GRIK4: variants seen among roughly 807,000 people sequenced by gnomAD.
The protein encoded by GRIK4 is glutamate receptor ionotropic, kainate 4.
GRIK4 carries 40 observed loss-of-function variants against 104.9 expected under a neutral mutation model. The ratio of observed to expected loss-of-function variants is 0.38; its 90% CI spans 0.30 to 0.50. The LOEUF is 0.50. Ranked by LOEUF, GRIK4 falls within the 20% of genes least tolerant of loss-of-function variation. The probability of loss-of-function intolerance (pLI) is 0.93; values close to 1 mark genes in which losing one functional copy is unlikely to be tolerated. For missense variants in GRIK4, 1,047 were observed against 1,308.1 expected, an observed-to-expected ratio of 0.80 and a Z score of 3.08; for synonymous variants, 485 against 524.9, an observed-to-expected ratio of 0.92 and a Z score of 1.04.
At chr11:120,663,430 T>C (rs1208213080) in intron 3 of GRIK4, among the ~76,000 whole-genome samples, 1 of 152,206 alleles carries the variant, frequency 6.6e-6, no homozygotes, top group Non-Finnish European at 1.5e-5. Context: ...CTCTTCTCCA[T>C]GCACCCATGG....
intron 3 of GRIK4, among the ~76,000 whole-genome samples, chr11:120,743,792 C>CTT (rs1191585132): frequency 6.6e-6 from 1 of 152,330 alleles, no homozygotes; most frequent in African/African-American, 2.4e-5. Flanking sequence ...TTACCTTAAA[C>CTT]AAGTCAGCTA....
chr11:120,574,243 C>A (rs1352294227), intron 1 of GRIK4, among the ~76,000 whole-genome samples: 1 of 152,110 alleles, frequency 6.6e-6, no homozygotes, highest in African/African-American at 2.4e-5. Flanking sequence ...GGGACTGTGC[C>A]GGGAGCAGCC....
At chr11:120,618,134 T>G (rs1362360572) in intron 1 of GRIK4, among the ~76,000 whole-genome samples, 1 of 152,122 alleles carries the variant, frequency 6.6e-6, no homozygotes, top group Non-Finnish European at 1.5e-5. Context: ...CAGATGGAGA[T>G]GAGAAACTTA....
At chr11:120,798,471 T>G (rs1341848585) in intron 3 of GRIK4, among the ~76,000 whole-genome samples, 1 of 151,958 alleles carries the variant, frequency 6.6e-6, no homozygotes, top group African/African-American at 2.4e-5. Context: ...TTTGTTTTTG[T>G]TTTTGTTGTG....
At chr11:120,885,763 T>G (rs1955102284) in intron 11 of GRIK4, among the ~76,000 whole-genome samples, 1 of 152,218 alleles carries the variant, frequency 6.6e-6, no homozygotes, top group African/African-American at 2.4e-5. Context: ...AGCTCGTCTC[T>G]GAAAATTTAA....
At chr11:120,659,626 A>C (rs1275688844) in intron 2 of GRIK4, among the ~76,000 whole-genome samples, 1 of 152,184 alleles carries the variant, frequency 6.6e-6, no homozygotes, top group Non-Finnish European at 1.5e-5. Context: ...ACCTCTCCTC[A>C]GTGTGCAGTG....
In GRIK4 at chr11:120,675,614, G is replaced by A. The variant is rs1237999439; in HGVS notation, c.82+15214G>A. ...AGTAGTTTGCTCAAGCAACTGGATGGCATCATAGGGTAGTGAGACAGGTGT... is the reference window on the plus strand; with the variant it reads ...AGTAGTTTGCTCAAGCAACTGGATGACATCATAGGGTAGTGAGACAGGTGT... On this transcript the variant is annotated intron_variant, in intron 3 of 20. Transcript: ENST00000527524. Among the ~76,000 whole-genome samples the A allele has an allele frequency of 2.0e-5, 3 of 152,144 alleles. No homozygotes were observed. In the East Asian group the frequency reaches 5.8e-4, roughly 29 times the overall value.
intron 1 of GRIK4, among the ~76,000 whole-genome samples, chr11:120,534,202 C>T (rs564377558): frequency 9.9e-5 from 15 of 152,178 alleles, no homozygotes; most frequent in African/African-American, 3.4e-4. Context: ...CAGGTGTTTA[C>T]GTGAGGCTCA....
At chr11:120,633,339 C>T (rs1273811078) in intron 1 of GRIK4, among the ~76,000 whole-genome samples, 1 of 152,204 alleles carries the variant, frequency 6.6e-6, no homozygotes, top group Non-Finnish European at 1.5e-5. Context: ...CCCAGGCCTT[C>T]TCGATGGGGA....
intron 1 of GRIK4, among the ~76,000 whole-genome samples, chr11:120,520,831 T>C (rs1373886090): frequency 6.6e-6 from 1 of 152,164 alleles, no homozygotes; most frequent in Non-Finnish European, 1.5e-5. Context: ...TGACAGCATC[T>C]CCCCTAGCCT....
chr11:120,588,760 G>A (rs1279777959), intron 1 of GRIK4, among the ~76,000 whole-genome samples: 2 of 152,258 alleles, frequency 1.3e-5, no homozygotes, highest in East Asian at 3.9e-4. Context: ...GTGTTTGGCA[G>A]TCTCCCTGGC....
At position 120,905,598 on chromosome 11, in the gene GRIK4, C is replaced by T; in HGVS notation, c.1476+105C>T. 2.6e-6 allele frequency: 2 copies of T among 778,626 alleles called. No individual in the cohort carries two copies. The highest frequency in any genetic ancestry group is 4.4e-6 in the Non-Finnish European group (2 of 457,740). The allele number at this position is 778,626 out of a possible 1,614,324, so 48.2% of individuals were successfully genotyped here. A position where few individuals can be genotyped will look rare whatever the true frequency, so the allele number is the denominator to read the frequency against. On this transcript the variant is annotated intron_variant, in intron 13 of 20. Transcript: ENST00000527524. The surrounding 1 kb of genome is among the most constrained non-coding windows in gnomAD (Gnocchi z 5.1). The stretch of plus-strand genomic sequence containing the variant: ...TGAACCCTCCATTTGTTCAGTCAAT[C>T]ATTCATGCATTTGTCATTTATTTGT...
intron 1 of GRIK4, among the ~76,000 whole-genome samples, chr11:120,631,054 AG>A (rs1807121709): frequency 2.0e-5 from 3 of 152,222 alleles, no homozygotes; most frequent in Admixed American, 2.0e-4. Flanking sequence ...CTCTCATATG[AG>A]AATGGGAGTA....
intron 3 of GRIK4, among the ~76,000 whole-genome samples, chr11:120,798,129 G>C (rs1430898863): frequency 6.8e-6 from 1 of 146,010 alleles, no homozygotes; most frequent in Non-Finnish European, 1.5e-5. Flanking sequence ...ACGTGGCGGA[G>C]AGAAAAAGAG....
At chr11:120,561,911 T>C (rs951661671) in intron 1 of GRIK4, among the ~76,000 whole-genome samples, 3 of 152,206 alleles carry the variant, frequency 2.0e-5, no homozygotes, top group African/African-American at 7.2e-5. Flanking sequence ...TGTGGCCCAC[T>C]TGAAAAGGGT....
At chr11:120,571,328 G>A (rs1041251939) in intron 1 of GRIK4, among the ~76,000 whole-genome samples, 28 of 152,134 alleles carry the variant, frequency 1.8e-4, no homozygotes, top group African/African-American at 5.6e-4. Context: ...TCTGCATGCC[G>A]CTGCACACCC....
intron 9 of GRIK4, 99 bp downstream of exon 9, chr11:120,862,219 C>T (rs1330611163): frequency 1.6e-5 from 16 of 1,003,458 alleles, no homozygotes; most frequent in South Asian, 7.6e-5. Flanking sequence ...GGAGTCCAGC[C>T]GTCTCCTGCT....
At chr11:120,545,040 G>C (rs534243358) in intron 1 of GRIK4, among the ~76,000 whole-genome samples, 1 of 152,046 alleles carries the variant, frequency 6.6e-6, no homozygotes, top group Non-Finnish European at 1.5e-5. Context: ...GGGAGCTTAC[G>C]CAGCTGACTG....
At chr11:120,927,409 A>G (rs1212235537) in intron 13 of GRIK4, among the ~76,000 whole-genome samples, 1 of 152,028 alleles carries the variant, frequency 6.6e-6, no homozygotes, top group East Asian at 1.9e-4. Context: ...TCTACTAAAA[A>G]TACAGAAATT....
Sources: allele counts gnomAD v4.1 joint callset (sites outside exome capture counted in the v4.1 genomes callset), GRCh38; gene constraint gnomAD v4.1.1; non-coding constraint Gnocchi (gnomAD v3.1); transcripts MANE v1.5; gene names NCBI Gene and HGNC (gene_info 2026-07-23, HGNC 2026-07-21).